PIKFYVE: variants seen among roughly 807,000 people sequenced by gnomAD.
PIKFYVE encodes phosphoinositide kinase, FYVE-type zinc finger containing.
Under a neutral mutation model 257.9 loss-of-function variants are expected in PIKFYVE, and 122 were observed. That is an observed-to-expected ratio of 0.47 (90% CI 0.41 to 0.55). PIKFYVE has a LOEUF of 0.55. Ranked by LOEUF, PIKFYVE falls within the 20% of genes least tolerant of loss-of-function variation. The pLI is 0.00. For missense variants in PIKFYVE, 2,160 were observed against 2,536.6 expected, an observed-to-expected ratio of 0.85 and a Z score of 3.19; for synonymous variants, 892 against 868.9, an observed-to-expected ratio of 1.03 and a Z score of -0.47.
intron 35 of PIKFYVE, among the ~76,000 whole-genome samples, chr2:208,349,217 GT>G (rs1208394672): frequency 6.6e-6 from 1 of 152,050 alleles, no homozygotes; most frequent in Non-Finnish European, 1.5e-5. Context: ...TAAGATATCT[GT>G]TTAGTATTCT....
intron 22 of PIKFYVE, 131 bp from the exon 23 acceptor site, chr2:208,330,392 G>T: frequency 9.7e-7 from 1 of 1,027,356 alleles, no homozygotes; most frequent in Non-Finnish European, 1.5e-6. Context: ...AGCTGAAGAC[G>T]ATGTTCAGCT....
intron 39 of PIKFYVE, 142 bp from the exon 40 acceptor site, chr2:208,353,756 A>G: frequency 3.1e-6 from 3 of 956,262 alleles, no homozygotes; most frequent in Admixed American, 2.3e-5. Flanking sequence ...CTTAAAAATT[A>G]TGATTCAATT....
At chr2:208,289,992 T>C (rs1006401351) in intron 7 of PIKFYVE, among the ~76,000 whole-genome samples, 1 of 152,174 alleles carries the variant, frequency 6.6e-6, no homozygotes, top group Non-Finnish European at 1.5e-5. Context: ...TTAAGGTTCA[T>C]ACAAAAAATG....
At position 208,325,940 on chromosome 2, in the gene PIKFYVE, G is replaced by A; in HGVS notation, c.3129G>A (p.Leu1043=). Residue 1043 remains leucine (L), a synonymous_variant, in exon 20 of 42, where the codon TTG becomes TTA. Transcript: ENST00000264380. ...AAGATAAACGAAAGACTTATTCTTT[G>A]GCCTTTAAGCAGGAATTAAAAGATG... ...SSEDKRKTYS[L]AFKQELKDVI... The A allele has an allele frequency of 6.2e-7, 1 of 1,614,002 alleles. No homozygotes were observed. Among genetic ancestry groups the A allele is most frequent in the East Asian group, 2.2e-5 (1 of 44,870 alleles).
Position 208,350,012 on chromosome 2 carries a change from T to G in PIKFYVE, c.5375-12T>G, listed in dbSNP as rs1180667315. On this transcript the variant is annotated splice_polypyrimidine_tract_variant and intron_variant, in intron 35 of 41. Coordinates refer to ENST00000264380, the MANE Select transcript of PIKFYVE (RefSeq NM_015040.4). Reference sequence around the variant, plus strand: ...AAAACCTTGGCTTTACTAATGATATTAAACCTTTTAGATGAAGTAGATGGA... The same window carrying G: ...AAAACCTTGGCTTTACTAATGATATGAAACCTTTTAGATGAAGTAGATGGA... 8.7e-6 allele frequency: 14 copies of G among 1,611,616 alleles called. No individual in the cohort carries two copies. The highest frequency in any genetic ancestry group is 1.0e-5 in the Non-Finnish European group (12 of 1,178,428).
At position 208,277,723 on chromosome 2, in the gene PIKFYVE, T is replaced by C; in HGVS notation, c.613+15T>C. ...GGGCTATACAGGTAAATGCATTTTA[T>C]TGCCAGTTTACAATTTTTAAAGGTC... is the stretch of plus-strand genomic sequence containing the variant. On this transcript the variant is annotated intron_variant, in intron 5 of 41. Coordinates refer to ENST00000264380, the MANE Select transcript of PIKFYVE (RefSeq NM_015040.4). The C allele has an allele frequency of 6.2e-7, 1 of 1,612,708 alleles. No individual in the cohort carries two copies. Among genetic ancestry groups the C allele is most frequent in the East Asian group, 2.2e-5 (1 of 44,866 alleles).
At chr2:208,331,272 C>T (rs1697511957) in intron 23 of PIKFYVE, among the ~76,000 whole-genome samples, 1 of 152,070 alleles carries the variant, frequency 6.6e-6, no homozygotes, top group Non-Finnish European at 1.5e-5. Flanking sequence ...AACTCTGGGG[C>T]AAAAATTTGG....
At chr2:208,312,210 C>T (rs1695008603) in intron 12 of PIKFYVE, 26 bp from the exon 13 acceptor site, 1 of 1,573,178 alleles carries the variant, frequency 6.4e-7, no homozygotes, top group Non-Finnish European at 8.7e-7. Context: ...TTTGTTCCTC[C>T]TCTCTGTTGT....
chr2:208,351,827 CA>C (rs1206666103), intron 38 of PIKFYVE, among the ~76,000 whole-genome samples: 1 of 152,122 alleles, frequency 6.6e-6, no homozygotes, highest in African/African-American at 2.4e-5. Context: ...AGGACGGCAC[CA>C]AGCCATGTAT....
intron 7 of PIKFYVE, among the ~76,000 whole-genome samples, chr2:208,294,508 A>G (rs920004213): frequency 6.6e-6 from 1 of 152,180 alleles, no homozygotes; most frequent in African/African-American, 2.4e-5. Flanking sequence ...GGTAAAAGGA[A>G]CTATGGTAAA....
intron 26 of PIKFYVE, 52 bp from the exon 27 acceptor site, chr2:208,335,994 G>A (rs1698104409): frequency 6.2e-7 from 1 of 1,606,782 alleles, no homozygotes. Context: ...AGTTTCTTTT[G>A]GGGTATGTCT....
chr2:208,285,217 TC>T (rs1174466833), intron 5 of PIKFYVE, among the ~76,000 whole-genome samples: 2 of 152,162 alleles, frequency 1.3e-5, no homozygotes, highest in African/African-American at 4.8e-5. Context: ...TGCCTCACCC[TC>T]CTGAGTAGCT....
At chr2:208,271,968 C>T (rs1205956319) in intron 2 of PIKFYVE, among the ~76,000 whole-genome samples, 1 of 152,192 alleles carries the variant, frequency 6.6e-6, no homozygotes, top group African/African-American at 2.4e-5. Flanking sequence ...GGCGTGATGC[C>T]TCACACCTGT....
chr2:208,292,229 T>C (rs548721367), intron 7 of PIKFYVE, among the ~76,000 whole-genome samples: 1 of 152,232 alleles, frequency 6.6e-6, no homozygotes, highest in East Asian at 1.9e-4. Flanking sequence ...GTGGTGTGTT[T>C]TGGTGAATGT....
chr2:208,299,448 C>T (rs1299273687), intron 8 of PIKFYVE, among the ~76,000 whole-genome samples: 3 of 152,080 alleles, frequency 2.0e-5, no homozygotes, highest in Non-Finnish European at 4.4e-5. Context: ...TGCCACCACA[C>T]TGAGCTAATT....
At chr2:208,340,992 A>G (rs1028398243) in intron 31 of PIKFYVE, among the ~76,000 whole-genome samples, 1 of 151,532 alleles carries the variant, frequency 6.6e-6, no homozygotes, top group Non-Finnish European at 1.5e-5. Context: ...ATGCTCTCAC[A>G]TTTATTTTTA....
intron 15 of PIKFYVE, among the ~76,000 whole-genome samples, chr2:208,317,061 A>T (rs1263030867): frequency 6.7e-6 from 1 of 148,990 alleles, no homozygotes; most frequent in Non-Finnish European, 1.5e-5. Context: ...ACCATTCAGG[A>T]CATAGGCATG....
At chr2:208,340,225 T>A in intron 31 of PIKFYVE, 94 bp downstream of exon 31, 1 of 1,456,210 alleles carries the variant, frequency 6.9e-7, no homozygotes, top group East Asian at 2.3e-5. Context: ...GATGCATGAT[T>A]TTTCAATCCT....
rs529795858 is a variant in PIKFYVE, at chr2:208,326,610, A to G, written c.3618+181A>G. On this transcript the variant is annotated intron_variant, in intron 20 of 41. Transcript: ENST00000264380. Reference sequence around the variant, plus strand: ...CTTATGTGTTACTTTAATATGTATGAAGCAGAATTGTAATGAAACTGGGTT... The same window carrying G: ...CTTATGTGTTACTTTAATATGTATGGAGCAGAATTGTAATGAAACTGGGTT... Among the ~76,000 whole-genome samples the G allele has an allele frequency of 2.1e-3, 317 of 152,298 alleles. 2 individuals are homozygous for G. The highest frequency in any genetic ancestry group is 2.9e-3 in the Non-Finnish European group (198 of 68,028).
Sources: allele counts gnomAD v4.1 joint callset (sites outside exome capture counted in the v4.1 genomes callset), GRCh38; gene constraint gnomAD v4.1.1; transcripts MANE v1.5; gene names NCBI Gene and HGNC (gene_info 2026-07-23, HGNC 2026-07-21).